PARD3B: variants seen among roughly 807,000 people sequenced by gnomAD.
PARD3B encodes partitioning defective 3 homolog B.
PARD3B carries 103 observed loss-of-function variants against 130.2 expected under a neutral mutation model. That is an observed-to-expected ratio of 0.79 (90% CI 0.67 to 0.93). The LOEUF (loss-of-function observed/expected upper bound fraction) is 0.93, where lower values mean the gene tolerates loss of function less well. Among genes scored for constraint, PARD3B ranks in the 40% least tolerant of loss-of-function variants. PARD3B has a pLI of 0.00. For missense variants in PARD3B, 1,609 were observed against 1,499.2 expected (o/e 1.07, Z -1.21); for synonymous variants, 583 against 553.2 (o/e 1.05, Z -0.76).
intron 2 of PARD3B, among the ~76,000 whole-genome samples, chr2:204,962,224 A>C (rs1263792633): frequency 6.6e-6 from 1 of 152,132 alleles, no homozygotes; most frequent in Non-Finnish European, 1.5e-5. Context: ...AGGTGGCATG[A>C]GGACACTGGC....
chr2:204,585,395 C>G (rs1460062098), intron 1 of PARD3B, among the ~76,000 whole-genome samples: 1 of 152,076 alleles, frequency 6.6e-6, no homozygotes, highest in African/African-American at 2.4e-5. Flanking sequence ...TGCAGTGGTG[C>G]AATCATAGCT....
In PARD3B at chr2:205,221,353, G is replaced by A. The variant is rs547973789; in HGVS notation, c.2141-24425G>A. 5.3e-5 allele frequency among the ~76,000 whole-genome samples: 8 copies of A among 152,274 alleles called. No individual in the cohort carries two copies. In the South Asian group the frequency reaches 8.3e-4, roughly 16 times the overall value. On this transcript the variant is annotated intron_variant, in intron 15 of 22. Coordinates refer to ENST00000406610, the MANE Select transcript of PARD3B (RefSeq NM_001302769.2). ...CACCGGCTCTCCGTAAACATTCATCGGATGGAGATGATCTGGTTTAACGGC... is the reference window on the plus strand; with the variant it reads ...CACCGGCTCTCCGTAAACATTCATCAGATGGAGATGATCTGGTTTAACGGC...
Position 204,865,731 on chromosome 2 carries a change from C to A in PARD3B, c.223-99421C>A, listed in dbSNP as rs993426906. ...ATACTAAAATCTCAGAAATTACCACCAAAGAACTTATTTATGTAACCAAAC... is the reference window on the plus strand; with the variant it reads ...ATACTAAAATCTCAGAAATTACCACAAAAGAACTTATTTATGTAACCAAAC... On this transcript the variant is annotated intron_variant, in intron 2 of 22. Transcript: ENST00000406610. Among the ~76,000 whole-genome samples, 5 of 152,118 alleles carry A rather than the reference C, an allele frequency of 3.3e-5. No individual in the cohort carries two copies. In the South Asian group the frequency reaches 8.3e-4, roughly 25 times the overall value.
At chr2:205,055,002 A>C (rs1360189105) in intron 4 of PARD3B, among the ~76,000 whole-genome samples, 3 of 152,106 alleles carry the variant, frequency 2.0e-5, no homozygotes, top group Non-Finnish European at 4.4e-5. Flanking sequence ...CTGAAATATA[A>C]TGTTTACATG....
At chr2:204,708,160 T>A (rs1316550063) in intron 2 of PARD3B, among the ~76,000 whole-genome samples, 2 of 152,154 alleles carry the variant, frequency 1.3e-5, no homozygotes, top group Admixed American at 6.5e-5. Flanking sequence ...CAGATTTTTT[T>A]AATTGATTTG....
intron 2 of PARD3B, among the ~76,000 whole-genome samples, chr2:204,791,359 T>G (rs2042198811): frequency 6.6e-6 from 1 of 152,236 alleles, no homozygotes; most frequent in African/African-American, 2.4e-5. Context: ...TGATATCTTC[T>G]TAGCCATATT....
intron 4 of PARD3B, among the ~76,000 whole-genome samples, chr2:205,075,683 CAAAA>C (rs55720496): frequency 4.9e-4 from 68 of 139,634 alleles, no homozygotes; most frequent in African/African-American, 1.3e-3. Flanking sequence ...GCCATTCTAA[CAAAA>C]AAAAAAAAAA....
intron 2 of PARD3B, among the ~76,000 whole-genome samples, chr2:204,916,588 G>A (rs144867506): frequency 0.015 from 2,266 of 152,194 alleles, 47 homozygotes; most frequent in African/African-American, 0.052. Flanking sequence ...TAATCCAGAA[G>A]AGTGTATTTT....
At chr2:205,433,393 A>T (rs769041260) in intron 19 of PARD3B, among the ~76,000 whole-genome samples, 17 of 152,060 alleles carry the variant, frequency 1.1e-4, no homozygotes, top group Non-Finnish European at 2.2e-4. Flanking sequence ...TTAGCCAGGC[A>T]TGGTGACAGG....
At chr2:205,455,991 G>C (rs559145642) in intron 20 of PARD3B, among the ~76,000 whole-genome samples, 1 of 152,078 alleles carries the variant, frequency 6.6e-6, no homozygotes, top group South Asian at 2.1e-4. Flanking sequence ...TCTGTTTTCT[G>C]TCCATAATTC....
At chr2:205,350,951 CTA>C (rs2043975448) in intron 18 of PARD3B, among the ~76,000 whole-genome samples, 1 of 152,074 alleles carries the variant, frequency 6.6e-6, no homozygotes. Flanking sequence ...ATGCTAAAAA[CTA>C]ATTATTTTAT....
intron 22 of PARD3B, among the ~76,000 whole-genome samples, chr2:205,569,844 T>C (rs995350150): frequency 6.6e-6 from 1 of 152,114 alleles, no homozygotes; most frequent in African/African-American, 2.4e-5. Context: ...TCTTGCAAAA[T>C]ATATGCTCTT....
chr2:205,507,359 C>T (rs1200486577), intron 21 of PARD3B, among the ~76,000 whole-genome samples: 2 of 151,764 alleles, frequency 1.3e-5, no homozygotes, highest in African/African-American at 4.8e-5. Context: ...GGACTACAGG[C>T]ACCCACCACC....
intron 4 of PARD3B, among the ~76,000 whole-genome samples, chr2:205,102,804 G>A (rs1439143528): frequency 1.3e-5 from 2 of 152,110 alleles, no homozygotes; most frequent in Non-Finnish European, 2.9e-5. Context: ...GGTGGCTCAA[G>A]CCTGTAATCC....
At chr2:205,262,105 GTGTAACTTACCAGTCATGTA>G (rs896202355) in intron 16 of PARD3B, among the ~76,000 whole-genome samples, 4 of 152,018 alleles carry the variant, frequency 2.6e-5, no homozygotes, top group African/African-American at 9.7e-5. Context: ...TGGAATTTTT[GTGTAACTTACCAGTCATGTA>G]AGACTGTTAC....
chr2:204,700,907 T>C (rs1306538076), intron 2 of PARD3B, among the ~76,000 whole-genome samples: 2 of 152,052 alleles, frequency 1.3e-5, no homozygotes, highest in East Asian at 3.9e-4. Context: ...AGTTAGTACT[T>C]GTTAAATGTC....
At chr2:205,533,271 T>G (rs142774054) in intron 21 of PARD3B, among the ~76,000 whole-genome samples, 59 of 152,306 alleles carry the variant, frequency 3.9e-4, no homozygotes, top group African/African-American at 1.3e-3. Context: ...ATAAAACAAT[T>G]TAGCAGTGAG....
intron 20 of PARD3B, among the ~76,000 whole-genome samples, chr2:205,451,688 GTATATATA>G (rs35082767): frequency 7.0e-6 from 1 of 143,788 alleles, no homozygotes; most frequent in East Asian, 2.0e-4. Context: ...TATGTAATAG[GTATATATA>G]TATATATATA....
chr2:204,754,903 T>C (rs1185816661), intron 2 of PARD3B, among the ~76,000 whole-genome samples: 3 of 152,100 alleles, frequency 2.0e-5, no homozygotes, highest in South Asian at 4.1e-4. Flanking sequence ...AGAGAGAATA[T>C]TGGGAAACAG....
Sources: gnomAD v4.1 joint callset for allele counts (sites outside exome capture counted in the v4.1 genomes callset) on GRCh38, gnomAD v4.1.1 for gene constraint, MANE v1.5 for transcripts, NCBI Gene and HGNC (gene_info 2026-07-23, HGNC 2026-07-21) for gene names.